Variants in TSPAN6 observed in about 807,000 individuals in gnomAD.
TSPAN6 encodes the protein tetraspanin 6.
Under a neutral mutation model 18.0 loss-of-function variants are expected in TSPAN6, and 13 were observed. That is an observed-to-expected ratio of 0.72 (90% CI 0.47 to 1.15). TSPAN6 has a LOEUF of 1.15. Ranked by LOEUF, TSPAN6 falls within the 50% of genes most tolerant of loss-of-function variation. The pLI is 0.00. For missense variants in TSPAN6, 186 were observed against 183.9 expected (o/e 1.01, Z -0.07); for synonymous variants, 82 against 67.0 (o/e 1.22, Z -1.09).
intron 2 of TSPAN6, 107 bp downstream of exon 2, chrX:100,635,451 A>G (rs747133956): frequency 1.2e-6 from 1 of 802,640 alleles, no homozygotes; most frequent in South Asian, 3.0e-5. Context: ...TTCCATAAGG[A>G]ACAGGAAAAA....
In TSPAN6 at chrX:100,636,738, A is replaced by C; in HGVS notation, c.-44T>G. The C allele has an allele frequency of 8.6e-7, 1 of 1,158,510 alleles. No individual in the cohort carries two copies. Among genetic ancestry groups the C allele is most frequent in the Non-Finnish European group, 1.2e-6 (1 of 868,571 alleles). On this transcript the variant is annotated 5_prime_UTR_variant, in exon 1 of 8. Transcript: ENST00000373020. ...CACCACCGCACCGGGCGATTGGAAC[A>C]CAGAGAGCGAGACGCGGAGTCCCCG...
rs1602702789 is a variant in TSPAN6 at position 100,629,869 on chromosome X, T to C, written c.*157A>G. On this transcript the variant is annotated 3_prime_UTR_variant, in exon 8 of 8. Coordinates refer to ENST00000373020, the MANE Select transcript of TSPAN6 (RefSeq NM_003270.4). ...ATCAGCCTATTGGTGTAGTTTTAGG[T>C]CTACATACATCTTGATTGAATCAAC... is the stretch of plus-strand genomic sequence containing the variant. 1.6e-5 allele frequency: 6 copies of C among 378,696 alleles called. No homozygotes were observed. The highest frequency in any genetic ancestry group is 2.0e-4 in the East Asian group (1 of 4,929). The allele number at this position is 378,696 out of a possible 1,213,427, so 31.2% of individuals were successfully genotyped here.
chrX:100,634,692 A>T (rs1353263496), intron 3 of TSPAN6, among the ~76,000 whole-genome samples: 2 of 110,210 alleles, frequency 1.8e-5, no homozygotes, highest in Non-Finnish European at 3.8e-5. Flanking sequence ...TAGTAGAGAC[A>T]GTTTCACCGT....
chrX:100,634,887 A>C (rs2083084094), intron 3 of TSPAN6, among the ~76,000 whole-genome samples: 1 of 112,346 alleles, frequency 8.9e-6, no homozygotes, highest in African/African-American at 3.2e-5. Flanking sequence ...TGTGCTTTGA[A>C]TATTTTCCTA....
chrX:100,634,142 G>T, intron 3 of TSPAN6, 113 bp from the exon 4 acceptor site: 1 of 481,901 alleles, frequency 2.1e-6, no homozygotes, highest in Non-Finnish European at 3.6e-6. Flanking sequence ...GCAGCAACAT[G>T]TATAGTAATT....
intron 5 of TSPAN6, 45 bp from the exon 6 acceptor site, chrX:100,632,613 C>T (rs2094913140): frequency 2.2e-6 from 2 of 893,819 alleles, no homozygotes; most frequent in Admixed American, 2.6e-5. Flanking sequence ...CACAAGCAGC[C>T]TGTGCTTTTC....
chrX:100,636,524 C>CT lies in TSPAN6; in HGVS notation c.87+83dup. ...GCCCAAACCCCACACCGTTCCCGAC[C>CT]TGAGCTCCCGCCGCTCAGGGTCACA... On this transcript the variant is annotated intron_variant, in intron 1 of 7. Coordinates refer to ENST00000373020, the MANE Select transcript of TSPAN6 (RefSeq NM_003270.4). 2.7e-6 allele frequency: 3 copies of CT among 1,099,056 alleles called. No homozygotes were observed. In the Admixed American group the frequency reaches 9.7e-5, roughly 35 times the overall value. 90.6% of individuals were successfully genotyped at this position (1,099,056 alleles called of 1,213,427 possible). A position where few individuals can be genotyped will look rare whatever the true frequency, so the allele number is the denominator to read the frequency against.
At chrX:100,633,146 G>A (rs1338224472) in intron 5 of TSPAN6, among the ~76,000 whole-genome samples, 9 of 110,735 alleles carry the variant, frequency 8.1e-5, no homozygotes, top group African/African-American at 2.3e-4. Context: ...GTGAAACCCC[G>A]TCTCTACTAA....
chrX:100,635,779 C>T (rs367796303), intron 1 of TSPAN6, 33 bp from the exon 2 acceptor site: 7 of 1,079,097 alleles, frequency 6.5e-6, no homozygotes, highest in African/African-American at 5.6e-5. Context: ...CAAACAGTTA[C>T]GCACTGTGTA....
rs201696286 is a variant in TSPAN6 at position 100,632,522 on chromosome X, A to T, written c.632T>A (p.Val211Asp). Residue 211 changes from valine (V) to aspartate (D), a missense_variant, in exon 6 of 8, where the codon GTC becomes GAC. By Grantham distance (152) the Val-to-Asp change is radical. Transcript: ENST00000373020. Reference sequence around the variant, plus strand: ...AACTCCAAAGGAAATTCCTGCAACGACTCCCATTTCTGACTCTATAATGGT... The same window carrying T: ...AACTCCAAAGGAAATTCCTGCAACGTCTCCCATTTCTGACTCTATAATGGT... ...VMTIIESEMGVVAGISFGVAC... is the reference protein window; with the variant it reads ...VMTIIESEMGDVAGISFGVAC... 8.0e-5 allele frequency: 97 copies of T among 1,207,642 alleles called. No homozygotes were observed. Among genetic ancestry groups the T allele is most frequent in the Non-Finnish European group, 1.6e-5 (14 of 893,970 alleles).
chrX:100,627,496 C>T lies in TSPAN6; in HGVS notation c.*2530G>A, dbSNP rs1290682559. On this transcript the variant is annotated 3_prime_UTR_variant, in exon 8 of 8. Transcript: ENST00000373020. ...CTACTGCCTCCAGTGGAAACTGGAT[C>T]TCTCTCTCCAATCTAGTGATCCCTC... 1 of 111,880 alleles carries T rather than the reference C, an allele frequency of 8.9e-6. No homozygotes were observed. Among genetic ancestry groups the T allele is most frequent in the Non-Finnish European group, 1.9e-5 (1 of 53,201 alleles). The allele number at this position is 111,880 out of a possible 1,213,427, so 9.2% of individuals were successfully genotyped here. A position where few individuals can be genotyped will look rare whatever the true frequency, so the allele number is the denominator to read the frequency against.
In TSPAN6 at chrX:100,635,722, C is replaced by A. The variant is rs201531869; in HGVS notation, c.112G>T (p.Val38Phe). ...FWITGVILLA[V>F]GIWGKVSLEN... ...AGGCTCACCTTGCCCCAAATGCCAA[C>A]TGCAAGAAGGATAACGCCAGTGATC... Residue 38 changes from valine (V) to phenylalanine (F), a missense_variant, in exon 2 of 8, where the codon GTT (valine) becomes TTT (phenylalanine). Physicochemically the swap from Val to Phe is conservative, Grantham distance 50. Transcript: ENST00000373020. 3.2e-4 allele frequency: 382 copies of A among 1,179,820 alleles called. No individual in the cohort carries two copies. The highest frequency in any genetic ancestry group is 3.0e-4 in the Non-Finnish European group (261 of 878,351).
rs1467870769 is a variant in TSPAN6 at position 100,630,795 on chromosome X, G to A, written c.*3C>T. 1.7e-6 allele frequency: 2 copies of A among 1,209,950 alleles called. No homozygotes were observed. Among genetic ancestry groups the A allele is most frequent in the South Asian group, 1.8e-5 (1 of 56,722 alleles). ...AGAGGAATAGGCCCACAGATACATT[G>A]GGTTACACTATCTCATACTGGTTAT... On this transcript the variant is annotated 3_prime_UTR_variant, in exon 7 of 8. Coordinates refer to ENST00000373020, the MANE Select transcript of TSPAN6 (RefSeq NM_003270.4).
chrX:100,635,833 A>T, intron 1 of TSPAN6, 87 bp from the exon 2 acceptor site: 1 of 736,317 alleles, frequency 1.4e-6, no homozygotes, highest in Non-Finnish European at 1.9e-6. Flanking sequence ...TTTAAGGCAC[A>T]ATAGGTGTAA....
At chrX:100,630,059 T>G in intron 7 of TSPAN6, 73 bp from the exon 8 acceptor site, 1 of 613,024 alleles carries the variant, frequency 1.6e-6, no homozygotes, top group Non-Finnish European at 2.0e-6. Context: ...ACATACATTC[T>G]AATCTATTCC....
At position 100,632,569 on chromosome X, in the gene TSPAN6, C is replaced by G. The variant is rs1294883867; in HGVS notation, c.586-1G>C. 1 of 1,178,215 alleles carries G rather than the reference C, an allele frequency of 8.5e-7. No homozygotes were observed. Among genetic ancestry groups the G allele is most frequent in the Non-Finnish European group, 1.2e-6 (1 of 869,240 alleles). On this transcript the variant is annotated splice_acceptor_variant, in intron 5 of 7. Transcript: ENST00000373020. LOFTEE classifies it high-confidence loss of function. Reference sequence around the variant, plus strand: ...TGGTCATCACCTTTATAAAACAACCCTAATGGGAGGAAAAAAACAAAGATT... The same window carrying G: ...TGGTCATCACCTTTATAAAACAACCGTAATGGGAGGAAAAAAACAAAGATT...
intron 2 of TSPAN6, 105 bp downstream of exon 2, chrX:100,635,453 C>T (rs1174434476): frequency 5.7e-5 from 46 of 809,340 alleles, no homozygotes; most frequent in Middle Eastern, 3.5e-4. Context: ...CCATAAGGAA[C>T]AGGAAAAATT....
At chrX:100,635,791 A>T in intron 1 of TSPAN6, 45 bp from the exon 2 acceptor site, 1 of 996,522 alleles carries the variant, frequency 1.0e-6, no homozygotes, top group South Asian at 3.2e-5. Flanking sequence ...CACTGTGTAC[A>T]GCAGCATCTT....
chrX:100,632,171 G>T lies in TSPAN6; in HGVS notation c.669+314C>A, dbSNP rs1319257891. 1.8e-5 allele frequency: 4 copies of T among 216,521 alleles called. No homozygotes were observed. The South Asian group carries it at 3.0e-4, about 16-fold the overall frequency. 17.8% of individuals were successfully genotyped at this position (216,521 alleles called of 1,213,427 possible). A position where few individuals can be genotyped will look rare whatever the true frequency, so the allele number is the denominator to read the frequency against. On this transcript the variant is annotated intron_variant, in intron 6 of 7. Transcript: ENST00000373020. ...TGTAATCCCAGCACTTTGGGAGGCC[G>T]AGGAGGGCGGATCACTTGAGGTCAG...
Sources: gnomAD v4.1 joint callset for allele counts (sites outside exome capture counted in the v4.1 genomes callset) on GRCh38, gnomAD v4.1.1 for gene constraint, MANE v1.5 for transcripts, NCBI Gene and HGNC (gene_info 2026-07-23, HGNC 2026-07-21) for gene names.